Variants in ZFPM1 observed in about 807,000 individuals in gnomAD.
The protein encoded by ZFPM1 is zinc finger protein, FOG family member 1.
ZFPM1 carries 28 observed loss-of-function variants against 46.3 expected under a neutral mutation model. The observed-to-expected ratio is 0.60, with a 90% CI of 0.45 to 0.83. ZFPM1 has a LOEUF of 0.83. ZFPM1 is among the 40% of genes least tolerant of loss of function. ZFPM1 has a pLI of 0.00. For synonymous variants in ZFPM1, 957 were observed against 675.9 expected, an observed-to-expected ratio of 1.42 and a Z score of -6.45; for missense variants, 1,878 against 1,432.4, an observed-to-expected ratio of 1.31 and a Z score of -5.02.
chr16:88,509,700 G>A (rs946333146), intron 3 of ZFPM1, among the ~76,000 whole-genome samples: 1 of 152,170 alleles, frequency 6.6e-6, no homozygotes. Context: ...GAGCAGAGTG[G>A]GTTCAGGAGG....
At position 88,505,018 on chromosome 16, in the gene ZFPM1, G is replaced by A. The variant is rs971773628; in HGVS notation, c.269-9369G>A. Among the ~76,000 whole-genome samples the A allele has an allele frequency of 7.2e-5, 11 of 152,368 alleles. No individual in the cohort carries two copies. In the East Asian group the frequency reaches 9.6e-4, roughly 13 times the overall value. Reference sequence around the variant, plus strand: ...ATTAGCTGGGGCCAGGGTTCAGCCCGATAAAGATGGGCTGTTGTTCTGTGT... The same window carrying A: ...ATTAGCTGGGGCCAGGGTTCAGCCCAATAAAGATGGGCTGTTGTTCTGTGT... On this transcript the variant is annotated intron_variant, in intron 3 of 9. Transcript: ENST00000319555.
chr16:88,487,250 A>G (rs893663179), intron 2 of ZFPM1, among the ~76,000 whole-genome samples: 1 of 152,170 alleles, frequency 6.6e-6, no homozygotes, highest in Non-Finnish European at 1.5e-5. Flanking sequence ...GAGAGACAGC[A>G]GCAGGTTGTG....
In ZFPM1 at chr16:88,473,768, G is replaced by A. The variant is rs138051882; in HGVS notation, c.41-12171G>A. On this transcript the variant is annotated intron_variant, in intron 1 of 9. Transcript: ENST00000319555. Reference sequence around the variant, plus strand: ...CTGGGCCTCCGGCGGGCTTGCAGCCGCGTGCGTGGCCTCAGCCACCCTGCC... The same window carrying A: ...CTGGGCCTCCGGCGGGCTTGCAGCCACGTGCGTGGCCTCAGCCACCCTGCC... 5.3e-5 allele frequency among the ~76,000 whole-genome samples: 8 copies of A among 152,272 alleles called. No individual in the cohort carries two copies. In the East Asian group the frequency reaches 7.8e-4, roughly 15 times the overall value.
chr16:88,534,352 C>G lies in ZFPM1; in HGVS notation c.2394C>G (p.Ser798Arg). Reference sequence around the variant, plus strand: ...CGGCCGACGGCCCCATCGACCTGAGCAAGAAGCCGCGGCGCCCGCTCCCCG... The same window carrying G: ...CGGCCGACGGCCCCATCGACCTGAGGAAGAAGCCGCGGCGCCCGCTCCCCG... Reference protein sequence around the residue: ...GPAADGPIDLSKKPRRPLPGA... With the variant: ...GPAADGPIDLRKKPRRPLPGA... Residue 798 changes from serine (S) to arginine (R), a missense_variant, in exon 10 of 10, where the codon AGC becomes AGG. Ser to Arg is a moderately radical substitution (Grantham distance 110). Coordinates refer to ENST00000319555, the MANE Select transcript of ZFPM1 (RefSeq NM_153813.3). 7.1e-7 allele frequency: 1 copy of G among 1,418,038 alleles called. No individual in the cohort carries two copies. Among genetic ancestry groups the G allele is most frequent in the Non-Finnish European group, 9.2e-7 (1 of 1,089,002 alleles). The allele number at this position is 1,418,038 out of a possible 1,614,324, so 87.8% of individuals were successfully genotyped here. A position where few individuals can be genotyped will look rare whatever the true frequency, so the allele number is the denominator to read the frequency against.
chr16:88,525,637 C>G (rs1442987743), intron 4 of ZFPM1, among the ~76,000 whole-genome samples: 1 of 152,222 alleles, frequency 6.6e-6, no homozygotes, highest in Non-Finnish European at 1.5e-5. Context: ...GGTCAGGGCA[C>G]TGAGGCTGAG....
chr16:88,527,518 C>T (rs11646789), intron 5 of ZFPM1, among the ~76,000 whole-genome samples: 20,528 of 152,036 alleles, frequency 0.14, 1,932 homozygotes, highest in African/African-American at 0.26. Context: ...CTGTGGTGCG[C>T]GTGAGCGGGC....
rs765906854 is a variant in ZFPM1, at chr16:88,528,255, CCGCACCCAGGGCG to C, written c.712+18_712+30del. ...TGATCAACAGTAAGTGCTGGGCTCT[CCGCACCCAGGGCG>C]GCTGCTCCACCAAGGAGGAGCAGGC... On this transcript the variant is annotated intron_variant, in intron 6 of 9. Transcript: ENST00000319555. 7.0e-6 allele frequency: 11 copies of C among 1,577,898 alleles called. No homozygotes were observed. The South Asian group carries it at 1.0e-4, about 15-fold the overall frequency.
chr16:88,465,453 G>A (rs4782369), intron 1 of ZFPM1, among the ~76,000 whole-genome samples: 1 of 152,100 alleles, frequency 6.6e-6, no homozygotes, highest in African/African-American at 2.4e-5. Flanking sequence ...CTGTGCCTCA[G>A]TTTCCCCACC....
chr16:88,525,648 T>A (rs1355934318), intron 4 of ZFPM1, among the ~76,000 whole-genome samples: 1 of 152,086 alleles, frequency 6.6e-6, no homozygotes, highest in Non-Finnish European at 1.5e-5. Flanking sequence ...TGAGGCTGAG[T>A]CAGCCTTGCA....
At position 88,534,749 on chromosome 16, in the gene ZFPM1, G is replaced by A; in HGVS notation, c.2791G>A (p.Gly931Ser). ...CCCGGAGCCCCAGGAGCCGCCGCCC[G>A]GCCCGCCCCCGTCCCCGGCCGCCGC... is the stretch of plus-strand genomic sequence containing the variant. ...LGPEPQEPPP[G>S]PPPSPAAAPE... Residue 931 changes from glycine (G) to serine (S), a missense_variant, in exon 10 of 10, where the codon GGC (glycine) becomes AGC (serine). Coordinates refer to ENST00000319555, the MANE Select transcript of ZFPM1 (RefSeq NM_153813.3). 3.0e-6 allele frequency: 3 copies of A among 1,012,614 alleles called. No homozygotes were observed. The highest frequency in any genetic ancestry group is 3.5e-6 in the Non-Finnish European group (3 of 849,594). The allele number at this position is 1,012,614 out of a possible 1,614,324, so 62.7% of individuals were successfully genotyped here. A position where few individuals can be genotyped will look rare whatever the true frequency, so the allele number is the denominator to read the frequency against.
At chr16:88,473,657 A>G (rs535020388) in intron 1 of ZFPM1, among the ~76,000 whole-genome samples, 113 of 152,018 alleles carry the variant, frequency 7.4e-4, no homozygotes, top group African/African-American at 2.6e-3. Context: ...CCCCCGCCCC[A>G]TCTATCAGCC....
chr16:88,474,215 C>T (rs929395398), intron 1 of ZFPM1, among the ~76,000 whole-genome samples: 1 of 152,216 alleles, frequency 6.6e-6, no homozygotes, highest in African/African-American at 2.4e-5. Context: ...TTTCTCTCTG[C>T]CTTGCCCCGC....
intron 6 of ZFPM1, 144 bp downstream of exon 6, chr16:88,528,382 C>T (rs1317519645): frequency 7.1e-6 from 7 of 984,638 alleles, no homozygotes; most frequent in African/African-American, 3.3e-5. Context: ...AAGGAGGTGA[C>T]GTGGGTGGTC....
chr16:88,533,544 A>G lies in ZFPM1; in HGVS notation c.1586A>G (p.Tyr529Cys). 1 of 1,470,774 alleles carries G rather than the reference A, an allele frequency of 6.8e-7. No individual in the cohort carries two copies. Among genetic ancestry groups the G allele is most frequent in the Non-Finnish European group, 9.0e-7 (1 of 1,112,876 alleles). The allele number at this position is 1,470,774 out of a possible 1,614,324, so 91.1% of individuals were successfully genotyped here. ...GLAGALFLPQ[Y>C]VFGPDAAPPA... is the part of the protein sequence containing the mutation. The stretch of plus-strand genomic sequence containing the variant: ...GCCGGGGCCCTGTTCCTTCCGCAGT[A>G]CGTGTTCGGGCCCGACGCGGCGCCC... Residue 529 changes from tyrosine to cysteine, a missense_variant, in exon 10 of 10, where the codon TAC (tyrosine) becomes TGC (cysteine). Coordinates refer to ENST00000319555, the MANE Select transcript of ZFPM1 (RefSeq NM_153813.3).
chr16:88,465,111 C>G (rs530510641), intron 1 of ZFPM1, among the ~76,000 whole-genome samples: 3 of 152,348 alleles, frequency 2.0e-5, no homozygotes, highest in Admixed American at 6.5e-5. Flanking sequence ...CTTTTGGCCC[C>G]TGGGCCAGAC....
chr16:88,526,799 ACCCTCC>A lies in ZFPM1; in HGVS notation c.403-11_403-6del. On this transcript the variant is annotated splice_polypyrimidine_tract_variant and intron_variant, in intron 4 of 9. Coordinates refer to ENST00000319555, the MANE Select transcript of ZFPM1 (RefSeq NM_153813.3). ...GACGGACCCCTCCCCACGTGTTCCT[ACCCTCC>A]CCCCCCAGAGCCCAGCCCTGACCCT... The A allele has an allele frequency of 1.0e-5, 12 of 1,196,096 alleles. No individual in the cohort carries two copies. The highest frequency in any genetic ancestry group is 1.3e-5 in the Non-Finnish European group (12 of 917,406). The allele number at this position is 1,196,096 out of a possible 1,614,324, so 74.1% of individuals were successfully genotyped here. A position where few individuals can be genotyped will look rare whatever the true frequency, so the allele number is the denominator to read the frequency against.
rs766480777 is a variant in ZFPM1, at chr16:88,533,564, G to A, written c.1606G>A (p.Ala536Thr). 15 of 1,484,788 alleles carry A rather than the reference G, an allele frequency of 1.0e-5. No individual in the cohort carries two copies. The highest frequency in any genetic ancestry group is 1.5e-5 in the African/African-American group (1 of 67,310). The allele number at this position is 1,484,788 out of a possible 1,614,324, so 92.0% of individuals were successfully genotyped here. ...LPQYVFGPDA[A>T]PPASEILAKM... ...GCAGTACGTGTTCGGGCCCGACGCG[G>A]CGCCCCCCGCCTCGGAGATCCTGGC... Residue 536 changes from alanine (A) to threonine (T), a missense_variant, in exon 10 of 10, where the codon GCG (alanine) becomes ACG (threonine). Coordinates refer to ENST00000319555, the MANE Select transcript of ZFPM1 (RefSeq NM_153813.3).
chr16:88,469,732 T>C lies in ZFPM1; in HGVS notation c.40+16054T>C, dbSNP rs1908325678. 6.6e-6 allele frequency among the ~76,000 whole-genome samples: 1 copy of C among 151,986 alleles called. No individual in the cohort carries two copies. The highest frequency in any genetic ancestry group is 1.5e-5 in the Non-Finnish European group (1 of 67,982). On this transcript the variant is annotated intron_variant, in intron 1 of 9. Transcript: ENST00000319555. The surrounding 1 kb of genome is among the most constrained non-coding windows in gnomAD (Gnocchi z 4.3). ...CAGGTGTGGGTGTTTGTCAAAAATGTGTAAGTGGAAAATAGTGGCGGGGCG... is the reference window on the plus strand; with the variant it reads ...CAGGTGTGGGTGTTTGTCAAAAATGCGTAAGTGGAAAATAGTGGCGGGGCG...
At chr16:88,465,865 C>T (rs925627323) in intron 1 of ZFPM1, among the ~76,000 whole-genome samples, 2 of 152,178 alleles carry the variant, frequency 1.3e-5, no homozygotes, top group Non-Finnish European at 2.9e-5. Context: ...GCCCGGCGTG[C>T]GGCTAATCCT....
Sources: gnomAD v4.1 joint callset for allele counts (sites outside exome capture counted in the v4.1 genomes callset) on GRCh38, gnomAD v4.1.1 for gene constraint, Gnocchi (gnomAD v3.1) non-coding constraint, MANE v1.5 for transcripts, NCBI Gene and HGNC (gene_info 2026-07-23, HGNC 2026-07-21) for gene names.